NFIA: variants seen among roughly 807,000 people sequenced by gnomAD.
The protein encoded by NFIA is nuclear factor I A, also known as nuclear factor 1 A-type.
A neutral mutation model predicts 62.8 loss-of-function variants in NFIA; 8 were observed. That is an observed-to-expected ratio of 0.13 (90% confidence interval 0.07 to 0.23). The LOEUF is 0.23. Among genes scored for constraint, NFIA ranks in the 10% least tolerant of loss-of-function variants. The probability of loss-of-function intolerance (pLI) is 1.00; values close to 1 mark genes in which losing one functional copy is unlikely to be tolerated. For missense variants in NFIA, 410 were observed against 642.1 expected (o/e 0.64, Z 3.91); for synonymous variants, 235 against 238.1 (o/e 0.99, Z 0.12).
intron 2 of NFIA, among the ~76,000 whole-genome samples, chr1:61,246,646 A>G (rs1655666283): frequency 6.6e-6 from 1 of 152,180 alleles, no homozygotes; most frequent in African/African-American, 2.4e-5. Context: ...GTTATTGTCC[A>G]TAATATCCCC....
At chr1:61,448,187 C>T (rs1415566990) in intron 10 of NFIA, among the ~76,000 whole-genome samples, 5 of 152,166 alleles carry the variant, frequency 3.3e-5, no homozygotes, top group African/African-American at 1.2e-4. Context: ...CCCCAACCTC[C>T]AAGGCGTGCA....
At chr1:61,168,800 G>GTT (rs753483621) in intron 2 of NFIA, among the ~76,000 whole-genome samples, 6 of 152,170 alleles carry the variant, frequency 3.9e-5, no homozygotes, top group Non-Finnish European at 8.8e-5. Flanking sequence ...TTTGGTCACA[G>GTT]TTTTTTGAAA....
rs141626727 is a variant in NFIA, at chr1:61,306,179, T to C, written c.626-26333T>C. On this transcript the variant is annotated intron_variant, in intron 3 of 10. Coordinates refer to ENST00000403491, the MANE Select transcript of NFIA (RefSeq NM_001134673.4). The stretch of plus-strand genomic sequence containing the variant: ...TTTGATTGTTTTCGGAGACTTGTAC[T>C]CAGCCTTTTTGCTTCTCTCACTTCT... Among the ~76,000 whole-genome samples the C allele has an allele frequency of 3.6e-3, 552 of 151,728 alleles. 5 individuals are homozygous for C. The highest frequency in any genetic ancestry group is 0.012 in the African/African-American group (510 of 41,404).
chr1:61,178,383 T>G lies in NFIA; in HGVS notation c.559+89703T>G, dbSNP rs1650538456. The stretch of plus-strand genomic sequence containing the variant: ...ATACTTTTGGCTTCCATATTAGTGA[T>G]AAGGATGAATTTTTACTAAGTGCCT... On this transcript the variant is annotated intron_variant, in intron 2 of 10. Coordinates refer to ENST00000403491, the MANE Select transcript of NFIA (RefSeq NM_001134673.4). Among the ~76,000 whole-genome samples the G allele has an allele frequency of 2.0e-5, 3 of 152,344 alleles. No individual in the cohort carries two copies. The South Asian group carries it at 6.2e-4, about 32-fold the overall frequency.
At chr1:61,373,724 T>C (rs1372728212) in intron 6 of NFIA, among the ~76,000 whole-genome samples, 1 of 151,970 alleles carries the variant, frequency 6.6e-6, no homozygotes, top group African/African-American at 2.4e-5. Flanking sequence ...TTGTTGGAGA[T>C]GGAGAGGAAA....
At chr1:61,195,306 TAATTAATATTA>T (rs1164273106) in intron 2 of NFIA, among the ~76,000 whole-genome samples, 1 of 152,134 alleles carries the variant, frequency 6.6e-6, no homozygotes, top group Admixed American at 6.5e-5. Context: ...GTTCCCCTAT[TAATTAATATTA>T]TCTTAGCCAT....
At chr1:61,317,326 A>G (rs1056341299) in intron 3 of NFIA, among the ~76,000 whole-genome samples, 7 of 152,150 alleles carry the variant, frequency 4.6e-5, no homozygotes, top group South Asian at 2.1e-4. Flanking sequence ...TCCCAAAAAT[A>G]TAAGACCAAA....
At chr1:61,343,924 C>T (rs556775325) in intron 4 of NFIA, among the ~76,000 whole-genome samples, 1 of 152,322 alleles carries the variant, frequency 6.6e-6, no homozygotes, top group East Asian at 1.9e-4. Context: ...CGTGTTACCT[C>T]TTATACAAAT....
Position 61,088,573 on chromosome 1 carries a change from T to C in NFIA, c.452T>C (p.Val151Ala). 6.2e-7 allele frequency: 1 copy of C among 1,614,172 alleles called. No individual in the cohort carries two copies. The highest frequency in any genetic ancestry group is 8.5e-7 in the Non-Finnish European group (1 of 1,180,016). ...GAAAGTACTGATGGCGAGCGCCTTG[T>C]AAAGTCCCCACAATGCTCTAATCCA... ...PLESTDGERL[V>A]KSPQCSNPGL... Residue 151 changes from valine to alanine, a missense_variant, in exon 2 of 11, where the codon GTA becomes GCA. This residue lies in a region of NFIA where 26 missense variants were observed against 79.4 expected (regional missense o/e 0.33). Transcript: ENST00000403491. This position sits in a 1 kb window ranked among gnomAD's most constrained non-coding sequence, Gnocchi z 4.5.
chr1:61,236,610 T>A (rs1655030279), intron 2 of NFIA, among the ~76,000 whole-genome samples: 1 of 152,022 alleles, frequency 6.6e-6, no homozygotes, highest in Non-Finnish European at 1.5e-5. Context: ...TTTTAACAGG[T>A]ACTAAACAGG....
At chr1:61,194,434 GC>G (rs1651857037) in intron 2 of NFIA, among the ~76,000 whole-genome samples, 1 of 152,136 alleles carries the variant, frequency 6.6e-6, no homozygotes, top group Non-Finnish European at 1.5e-5. Context: ...TCATGTCTTT[GC>G]CTTGTATTTT....
At position 61,404,111 on chromosome 1, in the gene NFIA, G is replaced by C. The variant is rs2236059; in HGVS notation, c.1083G>C (p.Pro361=). 1 of 1,613,544 alleles carries C rather than the reference G, an allele frequency of 6.2e-7. No individual in the cohort carries two copies. Among genetic ancestry groups the C allele is most frequent in the Non-Finnish European group, 8.5e-7 (1 of 1,179,826 alleles). ...RPVITGPRAS[P]HATPSTLHFP... is the part of the protein sequence containing the mutation. ...TGTTTTCTTTTCCTGCAGCAAGTCC[G>C]CATGCAACACCATCGACTCTTCATT... Residue 361 remains proline, a synonymous_variant, in exon 8 of 11, where the codon CCG becomes CCC. Coordinates refer to ENST00000403491, the MANE Select transcript of NFIA (RefSeq NM_001134673.4).
intron 2 of NFIA, among the ~76,000 whole-genome samples, chr1:61,166,860 G>T (rs1339941846): frequency 6.6e-6 from 1 of 152,230 alleles, no homozygotes; most frequent in Non-Finnish European, 1.5e-5. Flanking sequence ...CCTTCCTTCT[G>T]GCCGGGCGCA....
intron 6 of NFIA, among the ~76,000 whole-genome samples, chr1:61,360,057 A>G (rs1051681237): frequency 1.3e-5 from 2 of 152,162 alleles, no homozygotes; most frequent in Admixed American, 6.5e-5. Flanking sequence ...ACACTTTGCA[A>G]TATTTTTCCT....
At chr1:61,184,372 C>A (rs902743006) in intron 2 of NFIA, among the ~76,000 whole-genome samples, 6 of 152,216 alleles carry the variant, frequency 3.9e-5, no homozygotes, top group Admixed American at 3.9e-4. Context: ...TTCCTTGTTT[C>A]TAAAAAACTT....
At chr1:61,166,335 G>A (rs570038973) in intron 2 of NFIA, among the ~76,000 whole-genome samples, 27 of 152,200 alleles carry the variant, frequency 1.8e-4, no homozygotes, top group African/African-American at 6.3e-4. Context: ...AGGATGCCAA[G>A]TCCACACCAA....
At chr1:61,395,834 A>G (rs1380707506) in intron 7 of NFIA, among the ~76,000 whole-genome samples, 1 of 152,224 alleles carries the variant, frequency 6.6e-6, no homozygotes, top group African/African-American at 2.4e-5. Flanking sequence ...TCTAAATATT[A>G]CAGTCTCCCC....
chr1:61,114,887 T>C (rs932807108), intron 2 of NFIA, among the ~76,000 whole-genome samples: 7 of 152,196 alleles, frequency 4.6e-5, no homozygotes, highest in African/African-American at 1.7e-4. Flanking sequence ...GTGGATATAA[T>C]ATTCAGACAG....
intron 9 of NFIA, 87 bp from the exon 10 acceptor site, chr1:61,426,378 G>A (rs575136652): frequency 7.9e-6 from 7 of 880,814 alleles, no homozygotes; most frequent in Admixed American, 6.1e-5. Context: ...AATCAGCTGC[G>A]TCGGCTCGGA....
Sources: gnomAD v4.1 joint callset for allele counts (sites outside exome capture counted in the v4.1 genomes callset) on GRCh38, gnomAD v4.1.1 for gene constraint, gnomAD v4.1.1 regional missense constraint, Gnocchi (gnomAD v3.1) non-coding constraint, MANE v1.5 for transcripts, NCBI Gene and HGNC (gene_info 2026-07-23, HGNC 2026-07-21) for gene names.